PARD3B: variants seen among roughly 807,000 people sequenced by gnomAD.
PARD3B encodes the protein partitioning defective 3 homolog B.
In PARD3B, 103 loss-of-function variants were observed where a neutral mutation model predicts 130.2. That is an observed-to-expected ratio of 0.79 (90% CI 0.67 to 0.93). The LOEUF (loss-of-function observed/expected upper bound fraction) is 0.93, where lower values mean the gene tolerates loss of function less well. PARD3B is among the 40% of genes least tolerant of loss of function. PARD3B has a pLI of 0.00. For missense variants in PARD3B, 1,609 were observed against 1,499.2 expected (o/e 1.07, Z -1.21); for synonymous variants, 583 against 553.2 (o/e 1.05, Z -0.76).
intron 3 of PARD3B, among the ~76,000 whole-genome samples, chr2:205,040,210 C>T (rs1304642765): frequency 2.0e-5 from 3 of 152,202 alleles, no homozygotes; most frequent in African/African-American, 4.8e-5. Flanking sequence ...GATCCACCCA[C>T]CTTGGCCTCC....
intron 20 of PARD3B, among the ~76,000 whole-genome samples, chr2:205,494,469 C>G (rs192485150): frequency 1.6e-3 from 248 of 152,194 alleles, no homozygotes; most frequent in African/African-American, 5.8e-3. Context: ...CCTTTGCACC[C>G]CATTCCGTTT....
chr2:205,252,294 G>T lies in PARD3B; in HGVS notation c.2185+6472G>T, dbSNP rs370401944. On this transcript the variant is annotated intron_variant, in intron 16 of 22. Coordinates refer to ENST00000406610, the MANE Select transcript of PARD3B (RefSeq NM_001302769.2). ...TAAATGCCCACTCTACACAGATATTGTGTTAAGTGCTAGAGATACAAAGTA... is the reference window on the plus strand; with the variant it reads ...TAAATGCCCACTCTACACAGATATTTTGTTAAGTGCTAGAGATACAAAGTA... Among the ~76,000 whole-genome samples the T allele has an allele frequency of 1.5e-4, 23 of 152,226 alleles. 1 individual carries two copies. Among genetic ancestry groups the T allele is most frequent in the African/African-American group, 5.3e-4 (22 of 41,544 alleles).
rs201666772 is a variant in PARD3B at position 205,499,993 on chromosome 2, G to A, written c.3142G>A (p.Glu1048Lys). The A allele has an allele frequency of 2.5e-5, 41 of 1,613,744 alleles. No individual in the cohort carries two copies. In the African/African-American group the frequency reaches 3.7e-4, roughly 15 times the overall value. ...REGFPLYEDDEGRARPSEYDL... is the reference protein window; with the variant it reads ...REGFPLYEDDKGRARPSEYDL... ...AGGTTTCCCTTTATATGAAGACGAC[G>A]AAGGAAGAGCAAGGCCATCTGAGTA... is the stretch of plus-strand genomic sequence containing the variant. Residue 1048 changes from glutamate to lysine, a missense_variant, in exon 21 of 23, where the codon GAA becomes AAA. Coordinates refer to ENST00000406610, the MANE Select transcript of PARD3B (RefSeq NM_001302769.2).
At chr2:205,380,983 A>G (rs1291448285) in intron 18 of PARD3B, among the ~76,000 whole-genome samples, 1 of 108,936 alleles carries the variant, frequency 9.2e-6, no homozygotes, top group African/African-American at 3.7e-5. Context: ...TATATTATAT[A>G]TAATATCTAA....
At chr2:204,899,891 G>T (rs1203547110) in intron 2 of PARD3B, among the ~76,000 whole-genome samples, 1 of 146,768 alleles carries the variant, frequency 6.8e-6, no homozygotes, top group African/African-American at 2.5e-5. Flanking sequence ...TTTGATAAAA[G>T]TTTTTTTTTT....
At chr2:205,047,757 C>T in intron 4 of PARD3B, 67 bp downstream of exon 4, 1 of 1,194,712 alleles carries the variant, frequency 8.4e-7, no homozygotes, top group East Asian at 2.6e-5. Context: ...TTAAGTGGGA[C>T]TTTGCAGTTT....
chr2:205,053,544 G>T (rs1350108724), intron 4 of PARD3B, among the ~76,000 whole-genome samples: 1 of 151,756 alleles, frequency 6.6e-6, no homozygotes, highest in East Asian at 1.9e-4. Flanking sequence ...AGAGGCTGAG[G>T]CAGGACAATC....
chr2:205,199,780 A>G (rs377110669), intron 15 of PARD3B, among the ~76,000 whole-genome samples: 44 of 152,274 alleles, frequency 2.9e-4, no homozygotes, highest in African/African-American at 1.0e-3. Context: ...ATGGAAAACT[A>G]GACAATTTAC....
At chr2:205,569,135 C>T (rs1303321950) in intron 22 of PARD3B, among the ~76,000 whole-genome samples, 2 of 151,588 alleles carry the variant, frequency 1.3e-5, no homozygotes, top group Admixed American at 6.6e-5. Context: ...TTCGTTTACT[C>T]TCAGCGAGGT....
intron 2 of PARD3B, among the ~76,000 whole-genome samples, chr2:204,807,841 G>A (rs1157093858): frequency 2.6e-5 from 4 of 151,878 alleles, no homozygotes; most frequent in African/African-American, 9.7e-5. Context: ...TGGTTGGGAA[G>A]GGTTGTGGGG....
At chr2:204,558,269 G>A (rs1052788482) in intron 1 of PARD3B, 1 of 152,188 alleles carries the variant, frequency 6.6e-6, no homozygotes, top group African/African-American at 2.4e-5. Flanking sequence ...CCTGTTTGCA[G>A]ATGACATGAT....
At chr2:204,812,128 A>G (rs2125525707) in intron 2 of PARD3B, among the ~76,000 whole-genome samples, 1 of 152,308 alleles carries the variant, frequency 6.6e-6, no homozygotes, top group East Asian at 1.9e-4. Flanking sequence ...CATAGCATGC[A>G]TTCTTTTATA....
chr2:204,725,806 T>C (rs1574824075), intron 2 of PARD3B, among the ~76,000 whole-genome samples: 2 of 152,318 alleles, frequency 1.3e-5, no homozygotes, highest in African/African-American at 4.8e-5. Context: ...AGGCCAACTC[T>C]GTAAACTTAT....
At chr2:205,367,609 G>A (rs1482353336) in intron 18 of PARD3B, among the ~76,000 whole-genome samples, 1 of 152,142 alleles carries the variant, frequency 6.6e-6, no homozygotes, top group African/African-American at 2.4e-5. Flanking sequence ...CTAGCCATAT[G>A]ATAAACAAGA....
intron 18 of PARD3B, among the ~76,000 whole-genome samples, chr2:205,395,668 A>G (rs1160022076): frequency 6.6e-6 from 1 of 152,092 alleles, no homozygotes; most frequent in African/African-American, 2.4e-5. Context: ...TCTCTTCTCA[A>G]TGGCCACTTC....
At chr2:205,493,970 A>G (rs2049830613) in intron 20 of PARD3B, among the ~76,000 whole-genome samples, 1 of 151,954 alleles carries the variant, frequency 6.6e-6, no homozygotes. Flanking sequence ...CATGTTGGCC[A>G]GGCTAGTCTC....
Position 205,309,209 on chromosome 2 carries a change from G to A in PARD3B, c.2630+7508G>A, listed in dbSNP as rs1308035535. On this transcript the variant is annotated intron_variant, in intron 18 of 22. Transcript: ENST00000406610. The surrounding 1 kb of genome is among the most constrained non-coding windows in gnomAD (Gnocchi z 4.7). The stretch of plus-strand genomic sequence containing the variant: ...TACCTGCAGTACACATTCTAAGACA[G>A]GTGGGCATTAATGTAAATGGTGAAC... Among the ~76,000 whole-genome samples the A allele has an allele frequency of 1.3e-5, 2 of 152,176 alleles. No homozygotes were observed. Among genetic ancestry groups the A allele is most frequent in the African/African-American group, 4.8e-5 (2 of 41,434 alleles).
intron 16 of PARD3B, among the ~76,000 whole-genome samples, chr2:205,271,989 C>T (rs898954332): frequency 1.3e-5 from 2 of 151,974 alleles, no homozygotes; most frequent in African/African-American, 4.8e-5. Context: ...GAAACCCCGT[C>T]TCTACTAAAA....
chr2:205,185,179 C>A (rs1166076414), intron 13 of PARD3B, among the ~76,000 whole-genome samples: 1 of 151,986 alleles, frequency 6.6e-6, no homozygotes, highest in Non-Finnish European at 1.5e-5. Flanking sequence ...AGGATTTAGA[C>A]CCCTGTCTTT....
Sources: allele counts gnomAD v4.1 joint callset (sites outside exome capture counted in the v4.1 genomes callset), GRCh38; gene constraint gnomAD v4.1.1; non-coding constraint Gnocchi (gnomAD v3.1); transcripts MANE v1.5; gene names NCBI Gene and HGNC (gene_info 2026-07-23, HGNC 2026-07-21).